The following TXNDC11 variants were observed in gnomAD, a reference collection of about 807,000 sequenced individuals.
TXNDC11 encodes the protein thioredoxin domain containing 11, also known as thioredoxin domain-containing protein 11.
Under a neutral mutation model 78.0 loss-of-function variants are expected in TXNDC11, and 68 were observed. The ratio of observed to expected loss-of-function variants is 0.87; its 90% CI spans 0.72 to 1.07. The LOEUF (loss-of-function observed/expected upper bound fraction) is 1.07. Ranked by LOEUF, TXNDC11 falls within the 50% of genes least tolerant of loss-of-function variation. The probability of loss-of-function intolerance (pLI) is 0.00; values close to 1 mark genes in which losing one functional copy is unlikely to be tolerated. For missense variants in TXNDC11, 1,389 were observed against 1,221.8 expected (o/e 1.14, Z -2.04); for synonymous variants, 571 against 495.2 (o/e 1.15, Z -2.03).
chr16:11,703,179 G>C (rs998192508), intron 5 of TXNDC11, among the ~76,000 whole-genome samples: 1 of 152,092 alleles, frequency 6.6e-6, no homozygotes, highest in Admixed American at 6.5e-5. Context: ...TATTGCAAAC[G>C]GGTAACACCA....
chr16:11,712,909 G>A (rs1179913426), intron 5 of TXNDC11, among the ~76,000 whole-genome samples: 1 of 132,686 alleles, frequency 7.5e-6, no homozygotes, highest in Non-Finnish European at 1.7e-5. Flanking sequence ...CCAACATGGA[G>A]AAACCCCATT....
chr16:11,704,453 G>T (rs928746639), intron 5 of TXNDC11, among the ~76,000 whole-genome samples: 1 of 152,108 alleles, frequency 6.6e-6, no homozygotes, highest in African/African-American at 2.4e-5. Context: ...TTCCCCCAAG[G>T]TATTTATTTA....
chr16:11,732,300 T>A (rs993219721), intron 3 of TXNDC11, among the ~76,000 whole-genome samples: 9 of 152,138 alleles, frequency 5.9e-5, no homozygotes, highest in African/African-American at 1.9e-4. Flanking sequence ...GATTTTAATG[T>A]CACATCACGT....
At chr16:11,700,390 C>T in intron 6 of TXNDC11, 62 bp downstream of exon 6, 1 of 751,006 alleles carries the variant, frequency 1.3e-6, no homozygotes, top group Non-Finnish European at 2.2e-6. Flanking sequence ...TCAAAGGAGT[C>T]TGTGACCTAA....
At chr16:11,703,942 A>G (rs904835218) in intron 5 of TXNDC11, among the ~76,000 whole-genome samples, 1 of 152,232 alleles carries the variant, frequency 6.6e-6, no homozygotes, top group Admixed American at 6.5e-5. Context: ...AAATACAAGA[A>G]TTAGCCGGAT....
At chr16:11,739,032 G>GA (rs1005842980) in intron 1 of TXNDC11, among the ~76,000 whole-genome samples, 15 of 146,454 alleles carry the variant, frequency 1.0e-4, no homozygotes, top group South Asian at 4.3e-4. Flanking sequence ...CATCTCAAAA[G>GA]AAAAAAAAAA....
chr16:11,735,158 G>A (rs1244925119), intron 2 of TXNDC11, among the ~76,000 whole-genome samples: 1 of 152,180 alleles, frequency 6.6e-6, no homozygotes, highest in Non-Finnish European at 1.5e-5. Flanking sequence ...GCTTTGCATA[G>A]TTCAGGATTT....
At chr16:11,733,823 G>C (rs1391128999) in intron 3 of TXNDC11, among the ~76,000 whole-genome samples, 159 bp downstream of exon 3, 1 of 152,174 alleles carries the variant, frequency 6.6e-6, no homozygotes, top group Non-Finnish European at 1.5e-5. Flanking sequence ...AAAAAGGGGG[G>C]TGGATTATCC....
chr16:11,735,937 C>A, intron 2 of TXNDC11, 80 bp downstream of exon 2: 1 of 1,415,784 alleles, frequency 7.1e-7, no homozygotes, highest in Non-Finnish European at 9.9e-7. Context: ...GCCCGTTGGG[C>A]AAGGTGTCTC....
chr16:11,742,852 A>C lies in TXNDC11; in HGVS notation c.-122T>G. Reference sequence around the variant, plus strand: ...CCCGCTAACCCGGACGCTCCACGTCAGCCGCGCCGCCGCCGCGGGGTCCGC... The same window carrying C: ...CCCGCTAACCCGGACGCTCCACGTCCGCCGCGCCGCCGCCGCGGGGTCCGC... On this transcript the variant is annotated 5_prime_UTR_variant, in exon 1 of 12. Coordinates refer to ENST00000283033, the MANE Select transcript of TXNDC11 (RefSeq NM_015914.7). The C allele has an allele frequency of 7.7e-7, 1 of 1,301,538 alleles. No individual in the cohort carries two copies. The highest frequency in any genetic ancestry group is 9.8e-7 in the Non-Finnish European group (1 of 1,023,724). The allele number at this position is 1,301,538 out of a possible 1,614,324, so 80.6% of individuals were successfully genotyped here. A position where few individuals can be genotyped will look rare whatever the true frequency, so the allele number is the denominator to read the frequency against.
chr16:11,700,625 C>A, intron 5 of TXNDC11, 61 bp from the exon 6 acceptor site: 1 of 820,482 alleles, frequency 1.2e-6, no homozygotes, highest in Non-Finnish European at 2.1e-6. Context: ...AACCACAAAA[C>A]CCAGTGATCA....
intron 5 of TXNDC11, among the ~76,000 whole-genome samples, chr16:11,709,339 G>A (rs1008238169): frequency 6.7e-6 from 1 of 148,708 alleles, no homozygotes; most frequent in African/African-American, 2.5e-5. Context: ...TGCAACCTCT[G>A]CCTCCCAGGT....
At chr16:11,741,710 C>T (rs1393195685) in intron 1 of TXNDC11, among the ~76,000 whole-genome samples, 2 of 152,208 alleles carry the variant, frequency 1.3e-5, no homozygotes, top group Non-Finnish European at 1.5e-5. Flanking sequence ...CCCGGACGAG[C>T]GTCCGGCACA....
chr16:11,679,685 T>C lies in TXNDC11; in HGVS notation c.2387A>G (p.Gln796Arg). 1.9e-6 allele frequency: 3 copies of C among 1,614,232 alleles called. No homozygotes were observed. The highest frequency in any genetic ancestry group is 1.6e-4 in the Middle Eastern group (1 of 6,062). Residue 796 changes from glutamine to arginine, a missense_variant, in exon 12 of 12, where the codon CAG (glutamine) becomes CGG (arginine). Gln to Arg is a conservative substitution (Grantham distance 43). Transcript: ENST00000283033. This position sits in a 1 kb window ranked among gnomAD's most constrained non-coding sequence, Gnocchi z 4.6. ...KECLQSEAVL[Q>R]RGHISHLERE... is the part of the protein sequence containing the mutation. ...CTCCAAGTGGGAGATGTGCCCCCGC[T>C]GTAAGACTGCCTCGCTCTGAAGACA...
intron 10 of TXNDC11, among the ~76,000 whole-genome samples, chr16:11,685,964 C>G (rs1281335762): frequency 4.0e-5 from 6 of 150,212 alleles, no homozygotes. Context: ...TATATGCTTA[C>G]TTTTTTTTTT....
Position 11,679,588 on chromosome 16 carries a change from G to C in TXNDC11, c.2484C>G (p.Leu828=). 6.2e-7 allele frequency: 1 copy of C among 1,614,148 alleles called. No individual in the cohort carries two copies. Among genetic ancestry groups the C allele is most frequent in the Non-Finnish European group, 8.5e-7 (1 of 1,180,038 alleles). ...QRAQVQVESQ[L]SSARRDEHRL... is the part of the protein sequence containing the mutation. ...GGTGCTCATCTCTGCGGGCACTGGA[G>C]AGCTGGGACTCCACCTGCACTTGTG... Residue 828 remains leucine (L), a synonymous_variant, in exon 12 of 12, where the codon CTC becomes CTG. Coordinates refer to ENST00000283033, the MANE Select transcript of TXNDC11 (RefSeq NM_015914.7). This position sits in a 1 kb window ranked among gnomAD's most constrained non-coding sequence, Gnocchi z 4.6.
At position 11,684,155 on chromosome 16, in the gene TXNDC11, T is replaced by C; in HGVS notation, c.2234+10A>G. The stretch of plus-strand genomic sequence containing the variant: ...CCAACTGCCCACCAGTGACAAAAAT[T>C]TGGCATTACCTGTTGCAGGGAAAAA... On this transcript the variant is annotated intron_variant, in intron 11 of 11. Coordinates refer to ENST00000283033, the MANE Select transcript of TXNDC11 (RefSeq NM_015914.7). The C allele has an allele frequency of 6.2e-7, 1 of 1,609,834 alleles. No individual in the cohort carries two copies. The highest frequency in any genetic ancestry group is 8.5e-7 in the Non-Finnish European group (1 of 1,176,350).
chr16:11,681,282 C>A (rs1288830952), intron 11 of TXNDC11, among the ~76,000 whole-genome samples: 1 of 152,260 alleles, frequency 6.6e-6, no homozygotes. Flanking sequence ...TTCTGCGGCA[C>A]AAGCCTGGTC....
chr16:11,679,291 G>GGT lies in TXNDC11; in HGVS notation c.2780_2781insAC (p.Ser928ProfsTer62). The GGT allele has an allele frequency of 6.2e-7, 1 of 1,612,874 alleles. No homozygotes were observed. The highest frequency in any genetic ancestry group is 8.5e-7 in the Non-Finnish European group (1 of 1,179,960). ...TGCCAGGGAGCTGGGGGGTGGCTGA[G>GGT]GGCTCAGGCTGCTTGGGGTGGACCT... On this transcript the variant is annotated frameshift_variant, in exon 12 of 12. Transcript: ENST00000283033. LOFTEE classifies it low-confidence loss of function (END_TRUNC). The surrounding 1 kb of genome is among the most constrained non-coding windows in gnomAD (Gnocchi z 4.6).
Sources: gnomAD v4.1 joint callset for allele counts (sites outside exome capture counted in the v4.1 genomes callset) on GRCh38, gnomAD v4.1.1 for gene constraint, Gnocchi (gnomAD v3.1) non-coding constraint, MANE v1.5 for transcripts, NCBI Gene and HGNC (gene_info 2026-07-23, HGNC 2026-07-21) for gene names.